The following RBFOX1 variants were observed in gnomAD, a reference collection of about 807,000 sequenced individuals.
RBFOX1 encodes RNA binding protein fox-1 homolog 1.
Under a neutral mutation model 57.7 loss-of-function variants are expected in RBFOX1, and 8 were observed. The ratio of observed to expected loss-of-function variants is 0.14; its 90% CI spans 0.08 to 0.25. The LOEUF is 0.25. RBFOX1 is among the 10% of genes least tolerant of loss of function. RBFOX1 has a pLI of 1.00. For synonymous variants in RBFOX1, 326 were observed against 222.4 expected, an observed-to-expected ratio of 1.47 and a Z score of -4.15; for missense variants, 611 against 548.5, an observed-to-expected ratio of 1.11 and a Z score of -1.14.
At chr16:7,054,386 C>T (rs939967745) in intron 4 of RBFOX1, among the ~76,000 whole-genome samples, 7 of 151,570 alleles carry the variant, frequency 4.6e-5, no homozygotes, top group South Asian at 2.1e-4. Context: ...ATTACAGGCA[C>T]GCGCCACCAC....
At chr16:6,849,654 G>A (rs531288919) in intron 3 of RBFOX1, among the ~76,000 whole-genome samples, 6 of 152,220 alleles carry the variant, frequency 3.9e-5, no homozygotes, top group African/African-American at 1.2e-4. Flanking sequence ...GGGCAAGAAA[G>A]CAAGACTCCA....
chr16:6,531,151 T>G (rs1038657324), intron 2 of RBFOX1, among the ~76,000 whole-genome samples: 9 of 152,188 alleles, frequency 5.9e-5, no homozygotes, highest in Admixed American at 4.6e-4. Flanking sequence ...CCAGGTTGTT[T>G]CCCTGCTTCC....
rs1005053470 is a variant in RBFOX1 at position 5,820,220 on chromosome 16, T to C, written c.319-47083T>C. ...TTGCCCCTGGTCCATACTCACCCCA[T>C]AGCCTGACTGCAAAGTTCATTCTCT... On this transcript the variant is annotated intron_variant, in intron 3 of 19. Transcript: ENST00000641259. Among the ~76,000 whole-genome samples, 3 of 152,234 alleles carry C rather than the reference T, an allele frequency of 2.0e-5. No individual in the cohort carries two copies. In the East Asian group the frequency reaches 5.8e-4, roughly 29 times the overall value.
At chr16:5,597,609 A>G (rs1383477035) in intron 2 of RBFOX1, among the ~76,000 whole-genome samples, 3 of 151,928 alleles carry the variant, frequency 2.0e-5, no homozygotes, top group Non-Finnish European at 4.4e-5. Context: ...CATGTTGGCC[A>G]GACTAGTCTG....
At chr16:7,514,944 G>C (rs2076028392) in intron 4 of RBFOX1, among the ~76,000 whole-genome samples, 1 of 152,214 alleles carries the variant, frequency 6.6e-6, no homozygotes, top group South Asian at 2.1e-4. Flanking sequence ...GGAAACCTTT[G>C]TCTTCATATG....
intron 4 of RBFOX1, among the ~76,000 whole-genome samples, chr16:7,181,138 C>A (rs1012061783): frequency 1.3e-5 from 2 of 152,198 alleles, no homozygotes; most frequent in Non-Finnish European, 2.9e-5. Flanking sequence ...TTCAATCCTT[C>A]CTTGTCATGT....
At chr16:6,810,906 G>C (rs1052916149) in intron 3 of RBFOX1, among the ~76,000 whole-genome samples, 1 of 152,166 alleles carries the variant, frequency 6.6e-6, no homozygotes, top group East Asian at 1.9e-4. Flanking sequence ...GATTTGGGTG[G>C]AGACGGAGCC....
At chr16:6,146,594 G>A (rs1038679407) in intron 1 of RBFOX1, among the ~76,000 whole-genome samples, 2 of 152,122 alleles carry the variant, frequency 1.3e-5, no homozygotes, top group African/African-American at 4.8e-5. Context: ...AGAGAGAGTA[G>A]GTGACTGTTT....
intron 2 of RBFOX1, among the ~76,000 whole-genome samples, chr16:6,406,481 C>G (rs557273325): frequency 7.2e-5 from 11 of 152,104 alleles, no homozygotes; most frequent in Admixed American, 1.3e-4. Flanking sequence ...TTATTACTTT[C>G]CTACATGAGA....
intron 3 of RBFOX1, among the ~76,000 whole-genome samples, chr16:6,712,156 T>A (rs1431136304): frequency 2.0e-5 from 3 of 152,140 alleles, no homozygotes; most frequent in East Asian, 3.9e-4. Flanking sequence ...AATGTAGAGG[T>A]GCTCAATGAA....
rs1191412737 is a variant in RBFOX1, at chr16:7,205,175, G to C, written c.27+153077G>C. On this transcript the variant is annotated intron_variant, in intron 4 of 15. Coordinates refer to ENST00000550418, the MANE Select transcript of RBFOX1 (RefSeq NM_018723.4). ...AGAGACCAAGAAAAATAGTGAGAGA[G>C]ATGAGGCTTGCTCGATGAATATTTT... Among the ~76,000 whole-genome samples, 4 of 152,100 alleles carry C rather than the reference G, an allele frequency of 2.6e-5. No homozygotes were observed. In the East Asian group the frequency reaches 7.7e-4, roughly 29 times the overall value.
At chr16:6,993,667 A>T (rs1384468295) in intron 3 of RBFOX1, among the ~76,000 whole-genome samples, 2 of 152,136 alleles carry the variant, frequency 1.3e-5, no homozygotes, top group Non-Finnish European at 2.9e-5. Context: ...ACTATTTAGC[A>T]TTTGTGTGCA....
intron 1 of RBFOX1, among the ~76,000 whole-genome samples, chr16:5,428,067 G>T (rs1231523609): frequency 6.6e-6 from 1 of 152,116 alleles, no homozygotes; most frequent in Non-Finnish European, 1.5e-5. Context: ...CCTGTCTCCT[G>T]AGGCAATAGA....
At chr16:7,524,682 G>C (rs897656417) in intron 5 of RBFOX1, among the ~76,000 whole-genome samples, 1 of 152,220 alleles carries the variant, frequency 6.6e-6, no homozygotes, top group South Asian at 2.1e-4. Flanking sequence ...TCTACTGACA[G>C]GGAAAAGAAC....
chr16:6,167,610 G>T (rs536852036), intron 1 of RBFOX1, among the ~76,000 whole-genome samples: 8 of 152,274 alleles, frequency 5.3e-5, no homozygotes, highest in African/African-American at 1.4e-4. Context: ...AATTTCAGGA[G>T]ACCAAAAGAA....
chr16:6,892,625 G>C lies in RBFOX1; in HGVS notation c.-15-159432G>C, dbSNP rs1448503899. On this transcript the variant is annotated intron_variant, in intron 3 of 15. Transcript: ENST00000550418. ...ATGGAAGTTGCAGTAAGGCAAGATT[G>C]CACCACTGTACTCCAGCCTGGGCAA... 2.0e-5 allele frequency among the ~76,000 whole-genome samples: 3 copies of C among 152,154 alleles called. No homozygotes were observed. In the East Asian group the frequency reaches 5.8e-4, roughly 29 times the overall value.
intron 3 of RBFOX1, among the ~76,000 whole-genome samples, chr16:6,958,902 AT>A (rs2082383024): frequency 6.6e-6 from 1 of 152,154 alleles, no homozygotes; most frequent in Non-Finnish European, 1.5e-5. Flanking sequence ...TACAGGTAAA[AT>A]TAATGACAAG....
intron 2 of RBFOX1, among the ~76,000 whole-genome samples, chr16:6,615,421 T>G (rs1462247723): frequency 6.6e-6 from 1 of 152,010 alleles, no homozygotes; most frequent in Non-Finnish European, 1.5e-5. Flanking sequence ...AATACAAAAA[T>G]TAGCTGGGTG....
At chr16:5,600,813 C>G (rs1003928536), downstream of RBFOX1, among the ~76,000 whole-genome samples, 3 of 152,128 alleles carry the variant, frequency 2.0e-5, no homozygotes, top group Non-Finnish European at 2.9e-5. Context: ...CAACCACACA[C>G]CCAACTTTCT....
Sources: allele counts gnomAD v4.1 joint callset (sites outside exome capture counted in the v4.1 genomes callset), GRCh38; gene constraint gnomAD v4.1.1; transcripts MANE v1.5; gene names NCBI Gene and HGNC (gene_info 2026-07-23, HGNC 2026-07-21).